The following TASP1 variants were observed in gnomAD, a reference collection of about 807,000 sequenced individuals.
TASP1 encodes taspase 1.
Under a neutral mutation model 56.6 loss-of-function variants are expected in TASP1, and 16 were observed. The observed-to-expected ratio is 0.28, with a 90% CI of 0.19 to 0.43. The LOEUF (loss-of-function observed/expected upper bound fraction) is 0.43, where lower values mean the gene tolerates loss of function less well. Among genes scored for constraint, TASP1 ranks in the 20% least tolerant of loss-of-function variants. TASP1 has a pLI of 1.00. For missense variants in TASP1, 393 were observed against 511.6 expected, an observed-to-expected ratio of 0.77 and a Z score of 2.24; for synonymous variants, 179 against 184.2, an observed-to-expected ratio of 0.97 and a Z score of 0.23.
the TASP1 span, among the ~76,000 whole-genome samples, chr20:13,295,148 C>G: frequency 1.3e-5 from 2 of 152,196 alleles, no homozygotes; most frequent in Non-Finnish European, 2.9e-5. Context: ...GTCTTCCTCT[C>G]TTTACTCCAA....
chr20:13,522,624 A>G (rs372596099), intron 10 of TASP1, among the ~76,000 whole-genome samples: 2 of 152,176 alleles, frequency 1.3e-5, no homozygotes, highest in African/African-American at 4.8e-5. Context: ...GATGTCTGTT[A>G]TATATACAAG....
At chr20:13,343,830 A>T in the TASP1 span, among the ~76,000 whole-genome samples, 1 of 152,064 alleles carries the variant, frequency 6.6e-6, no homozygotes, top group Non-Finnish European at 1.5e-5. Flanking sequence ...AGGGATCCCA[A>T]CAAGTGGAAT....
At chr20:13,580,041 A>G (rs1249822348) in intron 6 of TASP1, among the ~76,000 whole-genome samples, 1 of 152,216 alleles carries the variant, frequency 6.6e-6, no homozygotes, top group African/African-American at 2.4e-5. Context: ...ATTAAAGCAT[A>G]AAGTTTTAAT....
chr20:13,321,253 T>TAAA, the TASP1 span, among the ~76,000 whole-genome samples: 659 of 57,510 alleles, frequency 0.011, 46 homozygotes, highest in African/African-American at 0.045. Flanking sequence ...GTGCCCCACA[T>TAAA]AAAAAAAAAA....
At chr20:13,387,418 A>C (rs1304948453), downstream of TASP1, among the ~76,000 whole-genome samples, 1 of 151,986 alleles carries the variant, frequency 6.6e-6, no homozygotes. Flanking sequence ...CCAACTCCTG[A>C]CCTCAGGTGA....
chr20:13,386,933 T>TG (rs1346565058), downstream of TASP1, among the ~76,000 whole-genome samples: 1 of 152,156 alleles, frequency 6.6e-6, no homozygotes, highest in Non-Finnish European at 1.5e-5. Flanking sequence ...TAGAATGTTG[T>TG]GGGGGTTTGG....
intron 8 of TASP1, among the ~76,000 whole-genome samples, chr20:13,537,420 T>G (rs1266907803): frequency 6.6e-6 from 1 of 152,182 alleles, no homozygotes; most frequent in Admixed American, 6.5e-5. Context: ...GATGAAGTAA[T>G]ATTTAAGCAT....
the TASP1 span, among the ~76,000 whole-genome samples, chr20:13,212,991 C>T: frequency 2.0e-5 from 3 of 152,274 alleles, no homozygotes; most frequent in East Asian, 1.9e-4. Context: ...GACGTTAGAA[C>T]CAGCCAGTCG....
the TASP1 span, among the ~76,000 whole-genome samples, chr20:13,151,025 T>A: frequency 6.6e-6 from 1 of 152,230 alleles, no homozygotes; most frequent in Non-Finnish European, 1.5e-5. Context: ...GATTATTTTA[T>A]TAATGTCTGT....
chr20:13,240,025 T>C, the TASP1 span, among the ~76,000 whole-genome samples: 1 of 152,190 alleles, frequency 6.6e-6, no homozygotes. Flanking sequence ...AGAAAGGTAA[T>C]TAAATGGACA....
intron 8 of TASP1, among the ~76,000 whole-genome samples, chr20:13,558,666 T>G (rs2070305): frequency 0.38 from 57,853 of 151,944 alleles, 11,410 homozygotes; most frequent in Non-Finnish European, 0.43. Flanking sequence ...AATTGAGATG[T>G]GGAAAACTCA....
At chr20:13,366,309 A>G in the TASP1 span, among the ~76,000 whole-genome samples, 11 of 152,124 alleles carry the variant, frequency 7.2e-5, no homozygotes, top group Non-Finnish European at 1.6e-4. Context: ...GAGACCACCA[A>G]TGTTCAGAGG....
chr20:13,256,091 T>G, the TASP1 span, among the ~76,000 whole-genome samples: 1 of 152,206 alleles, frequency 6.6e-6, no homozygotes, highest in African/African-American at 2.4e-5. Context: ...TTGTGCCACC[T>G]TCCTCTTCAA....
chr20:13,294,025 C>T, the TASP1 span, among the ~76,000 whole-genome samples: 2 of 151,824 alleles, frequency 1.3e-5, no homozygotes, highest in African/African-American at 2.4e-5. Flanking sequence ...GCTACAGTGT[C>T]GGGGGCAGTA....
intron 11 of TASP1, among the ~76,000 whole-genome samples, chr20:13,446,630 T>A (rs1314294385): frequency 6.6e-6 from 1 of 152,078 alleles, no homozygotes; most frequent in Admixed American, 6.6e-5. Flanking sequence ...ATGCCCTATA[T>A]TCACTGTCAC....
chr20:13,458,047 T>C (rs2146331475), intron 11 of TASP1, among the ~76,000 whole-genome samples: 1 of 152,284 alleles, frequency 6.6e-6, no homozygotes, highest in East Asian at 1.9e-4. Flanking sequence ...GAGTACTAAA[T>C]ATAGCCTAGT....
intron 10 of TASP1, among the ~76,000 whole-genome samples, chr20:13,511,860 G>T (rs1240824624): frequency 6.6e-6 from 1 of 150,572 alleles, no homozygotes; most frequent in Non-Finnish European, 1.5e-5. Flanking sequence ...GAGGTGTTTG[G>T]TTTTTTGTCC....
the TASP1 span, among the ~76,000 whole-genome samples, chr20:13,269,455 T>C: frequency 6.6e-6 from 1 of 152,244 alleles, no homozygotes; most frequent in African/African-American, 2.4e-5. Context: ...TTTTCGTGAC[T>C]TTTTCTTTGG....
At chr20:13,413,766 G>GA (rs1568767253) in intron 13 of TASP1, among the ~76,000 whole-genome samples, 1 of 151,990 alleles carries the variant, frequency 6.6e-6, no homozygotes, top group African/African-American at 2.4e-5. Context: ...ATCGTTCCGG[G>GA]AAGATCTATA....
Sources: allele counts gnomAD v4.1 joint callset (sites outside exome capture counted in the v4.1 genomes callset), GRCh38; gene constraint gnomAD v4.1.1; transcripts MANE v1.5; gene names NCBI Gene and HGNC (gene_info 2026-07-23, HGNC 2026-07-21).